CDYL2: variants seen among roughly 807,000 people sequenced by gnomAD.
CDYL2 encodes the protein chromodomain Y like 2.
Under a neutral mutation model 49.4 loss-of-function variants are expected in CDYL2, and 23 were observed. The observed-to-expected ratio is 0.47, with a 90% CI of 0.34 to 0.66. CDYL2 has a LOEUF of 0.66. Ranked by LOEUF, CDYL2 falls within the 30% of genes least tolerant of loss-of-function variation. The probability of loss-of-function intolerance (pLI) is 0.01; values close to 1 mark genes in which losing one functional copy is unlikely to be tolerated. For missense variants in CDYL2, 678 were observed against 656.4 expected, an observed-to-expected ratio of 1.03 and a Z score of -0.36; for synonymous variants, 360 against 268.8, an observed-to-expected ratio of 1.34 and a Z score of -3.32.
chr16:80,790,037 C>T (rs1004004979), intron 1 of CDYL2, among the ~76,000 whole-genome samples: 10 of 152,140 alleles, frequency 6.6e-5, no homozygotes, highest in African/African-American at 2.2e-4. Context: ...AGCACATGTA[C>T]CCCAAAATCT....
chr16:80,768,754 C>G (rs751039527), intron 1 of CDYL2, among the ~76,000 whole-genome samples: 1 of 152,146 alleles, frequency 6.6e-6, no homozygotes, highest in Non-Finnish European at 1.5e-5. Context: ...GGAATTAGGT[C>G]GCCTGGGTTC....
chr16:80,678,465 A>G (rs1158880723), intron 2 of CDYL2, among the ~76,000 whole-genome samples: 1 of 152,144 alleles, frequency 6.6e-6, no homozygotes, highest in East Asian at 1.9e-4. Flanking sequence ...ATGAACAGAC[A>G]CTTCTCAAAA....
rs533236050 is a variant in CDYL2 at position 80,655,562 on chromosome 16, G to A, written c.617-22326C>T. Among the ~76,000 whole-genome samples, 12 of 152,314 alleles carry A rather than the reference G, an allele frequency of 7.9e-5. No individual in the cohort carries two copies. In the East Asian group the frequency reaches 2.3e-3, roughly 29 times the overall value. On this transcript the variant is annotated intron_variant, in intron 2 of 6. Coordinates refer to ENST00000570137, the MANE Select transcript of CDYL2 (RefSeq NM_152342.4). ...GGTCTTTCCATTAGCGCAACAGGGT[G>A]GAGAAGCACCCGAAGAGACGAGGGC...
chr16:80,639,046 G>A (rs886750039), intron 2 of CDYL2, among the ~76,000 whole-genome samples: 1 of 152,166 alleles, frequency 6.6e-6, no homozygotes, highest in African/African-American at 2.4e-5. Flanking sequence ...CAAAAGATCT[G>A]AAGAGACACC....
chr16:80,750,439 A>C lies in CDYL2; in HGVS notation c.24+53711T>G, dbSNP rs560223399. ...AGTTCTTTAAAAGCACTGATTAAAA[A>C]ACAAACCCAGAGAGAGAAATAAAAA... On this transcript the variant is annotated intron_variant, in intron 1 of 6. Transcript: ENST00000570137. Among the ~76,000 whole-genome samples the C allele has an allele frequency of 3.4e-4, 51 of 152,050 alleles. No individual in the cohort carries two copies. In the South Asian group the frequency reaches 0.011, roughly 32 times the overall value.
rs528577624 is a variant in CDYL2, at chr16:80,667,798, T to G, written c.616+16740A>C. On this transcript the variant is annotated intron_variant, in intron 2 of 6. Transcript: ENST00000570137. ...GCCAGCGAATATGTTAAGGGCTTCC[T>G]ATAAACGAATTCATTTATTCTTTAC... Among the ~76,000 whole-genome samples, 186 of 152,364 alleles carry G rather than the reference T, an allele frequency of 1.2e-3. 1 individual carries two copies. Among genetic ancestry groups the G allele is most frequent in the African/African-American group, 4.3e-3 (179 of 41,590 alleles).
At chr16:80,787,509 C>G (rs1907475972) in intron 1 of CDYL2, among the ~76,000 whole-genome samples, 1 of 152,168 alleles carries the variant, frequency 6.6e-6, no homozygotes, top group Non-Finnish European at 1.5e-5. Flanking sequence ...ATTCTGACCT[C>G]TCTTGGTTAA....
chr16:80,654,179 C>T (rs1247551049), intron 2 of CDYL2, among the ~76,000 whole-genome samples: 1 of 152,170 alleles, frequency 6.6e-6, no homozygotes, highest in Non-Finnish European at 1.5e-5. Context: ...CAGCGCTCTG[C>T]CGGGCTGGGT....
intron 1 of CDYL2, among the ~76,000 whole-genome samples, chr16:80,755,533 A>G (rs1040395926): frequency 1.3e-5 from 2 of 152,162 alleles, no homozygotes; most frequent in Non-Finnish European, 2.9e-5. Context: ...AATCTATCAA[A>G]AGCCTAGAAA....
At chr16:80,663,886 C>A (rs1909151614) in intron 2 of CDYL2, among the ~76,000 whole-genome samples, 1 of 152,166 alleles carries the variant, frequency 6.6e-6, no homozygotes, top group South Asian at 2.1e-4. Context: ...GCCACTATGC[C>A]CCGCCTAAAT....
intron 1 of CDYL2, among the ~76,000 whole-genome samples, chr16:80,731,880 T>C (rs552484547): frequency 2.7e-4 from 39 of 146,754 alleles, no homozygotes; most frequent in South Asian, 1.5e-3. Flanking sequence ...AGAGCATACA[T>C]GAAACCCAAC....
intron 1 of CDYL2, among the ~76,000 whole-genome samples, chr16:80,800,506 T>C (rs367750443): frequency 3.3e-5 from 5 of 152,122 alleles, no homozygotes; most frequent in African/African-American, 4.8e-5. Flanking sequence ...CAGGTGCAGA[T>C]AGAGTCAGCC....
rs1906668823 is a variant in CDYL2 at position 80,612,949 on chromosome 16, G to C, written c.1008-113C>G. 1 of 951,636 alleles carries C rather than the reference G, an allele frequency of 1.1e-6. No individual in the cohort carries two copies. Among genetic ancestry groups the C allele is most frequent in the Non-Finnish European group, 1.5e-6 (1 of 655,022 alleles). 58.9% of individuals were successfully genotyped at this position (951,636 alleles called of 1,614,324 possible). A position where few individuals can be genotyped will look rare whatever the true frequency, so the allele number is the denominator to read the frequency against. On this transcript the variant is annotated intron_variant, in intron 4 of 6. Transcript: ENST00000570137. This position sits in a 1 kb window ranked among gnomAD's most constrained non-coding sequence, Gnocchi z 5.0. Reference sequence around the variant, plus strand: ...AGCACCCTCAGGTCGTCAGAGGTTAGAGGTGCCAGGCAAGGGCCTCATTGC... The same window carrying C: ...AGCACCCTCAGGTCGTCAGAGGTTACAGGTGCCAGGCAAGGGCCTCATTGC...
intron 1 of CDYL2, among the ~76,000 whole-genome samples, chr16:80,689,466 C>T (rs1910326636): frequency 1.3e-5 from 2 of 152,190 alleles, no homozygotes. Flanking sequence ...AACTGAGGCT[C>T]AGAGAAGGTA....
At chr16:80,646,711 C>T (rs4613082) in intron 2 of CDYL2, among the ~76,000 whole-genome samples, 66,222 of 151,786 alleles carry the variant, frequency 0.44, 15,069 homozygotes, top group East Asian at 0.6. Context: ...ATTGCTTGAA[C>T]CAGGGAGTCA....
At chr16:80,605,378 T>C (rs951744847) in intron 6 of CDYL2, among the ~76,000 whole-genome samples, 2 of 148,274 alleles carry the variant, frequency 1.3e-5, no homozygotes, top group Non-Finnish European at 3.0e-5. Context: ...GTATAATATA[T>C]AATTATGTAT....
chr16:80,765,937 T>C (rs1270460916), intron 1 of CDYL2, among the ~76,000 whole-genome samples: 5 of 148,144 alleles, frequency 3.4e-5, no homozygotes, highest in African/African-American at 9.9e-5. Context: ...TGGATGAACC[T>C]TGAAAACATT....
chr16:80,647,034 C>T (rs547429500), intron 2 of CDYL2, among the ~76,000 whole-genome samples: 3 of 152,016 alleles, frequency 2.0e-5, no homozygotes, highest in South Asian at 2.1e-4. Context: ...GATAAATACA[C>T]AAAAATCAAT....
At position 80,600,825 on chromosome 16, in the gene CDYL2, G is replaced by C. The variant is rs907539545; in HGVS notation, c.*3563C>G. On this transcript the variant is annotated 3_prime_UTR_variant, in exon 7 of 7. Coordinates refer to ENST00000570137, the MANE Select transcript of CDYL2 (RefSeq NM_152342.4). ...AAAATTTTTAAAACCAAAAATTAAT[G>C]GGAAATGCAATTCAGCATTCAGTGA... 1.3e-5 allele frequency: 2 copies of C among 152,062 alleles called. No homozygotes were observed. The highest frequency in any genetic ancestry group is 1.9e-4 in the East Asian group (1 of 5,194). 9.4% of individuals were successfully genotyped at this position (152,062 alleles called of 1,614,324 possible). A position where few individuals can be genotyped will look rare whatever the true frequency, so the allele number is the denominator to read the frequency against.
Sources: allele counts gnomAD v4.1 joint callset (sites outside exome capture counted in the v4.1 genomes callset), GRCh38; gene constraint gnomAD v4.1.1; non-coding constraint Gnocchi (gnomAD v3.1); transcripts MANE v1.5; gene names NCBI Gene and HGNC (gene_info 2026-07-23, HGNC 2026-07-21).